Variants in UNC5D observed in about 807,000 individuals in gnomAD.
UNC5D encodes unc-5 netrin receptor D.
UNC5D carries 39 observed loss-of-function variants against 105.4 expected under a neutral mutation model. The observed-to-expected ratio is 0.37, with a 90% CI of 0.29 to 0.48. The LOEUF (loss-of-function observed/expected upper bound fraction) is 0.48, where lower values mean the gene tolerates loss of function less well. Ranked by LOEUF, UNC5D falls within the 20% of genes least tolerant of loss-of-function variation. The probability of loss-of-function intolerance (pLI) is 0.98; values close to 1 mark genes in which losing one functional copy is unlikely to be tolerated. For missense variants in UNC5D, 991 were observed against 1,202.4 expected (o/e 0.82, Z 2.60); for synonymous variants, 452 against 450.4 (o/e 1.00, Z -0.04).
intron 1 of UNC5D, among the ~76,000 whole-genome samples, chr8:35,318,108 T>A (rs1296856062): frequency 6.6e-6 from 1 of 152,130 alleles, no homozygotes; most frequent in East Asian, 1.9e-4. Flanking sequence ...GGCAACCTGA[T>A]TGCCTTTATT....
intron 14 of UNC5D, among the ~76,000 whole-genome samples, chr8:35,762,199 C>T (rs1801567120): frequency 6.6e-6 from 1 of 152,100 alleles, no homozygotes; most frequent in Non-Finnish European, 1.5e-5. Flanking sequence ...TAGGGAGGTA[C>T]CCAGTGCATA....
At chr8:35,638,665 T>G (rs182848772) in intron 4 of UNC5D, among the ~76,000 whole-genome samples, 28 of 152,080 alleles carry the variant, frequency 1.8e-4, no homozygotes, top group Admixed American at 1.5e-3. Flanking sequence ...TATGATGACA[T>G]GCACCTACAG....
intron 4 of UNC5D, among the ~76,000 whole-genome samples, chr8:35,650,245 G>T (rs1563630894): frequency 6.6e-6 from 1 of 152,154 alleles, no homozygotes; most frequent in Non-Finnish European, 1.5e-5. Flanking sequence ...GCTCTGGCCT[G>T]CTCCGTCGTT....
At chr8:35,624,581 A>T (rs576232593) in intron 4 of UNC5D, among the ~76,000 whole-genome samples, 1 of 152,228 alleles carries the variant, frequency 6.6e-6, no homozygotes, top group Non-Finnish European at 1.5e-5. Flanking sequence ...TCTGCCTTAC[A>T]AGCTGATATC....
intron 1 of UNC5D, among the ~76,000 whole-genome samples, chr8:35,246,577 T>A (rs1803115346): frequency 6.6e-6 from 1 of 152,018 alleles, no homozygotes; most frequent in South Asian, 2.1e-4. Flanking sequence ...TAGATTGACT[T>A]CTTTCTTTTT....
intron 9 of UNC5D, chr8:35,724,367 T>C: frequency 6.9e-7 from 1 of 1,459,704 alleles, no homozygotes; most frequent in Non-Finnish European, 9.1e-7. Flanking sequence ...ACCTCCACTG[T>C]CTTAGAGAGA....
intron 6 of UNC5D, among the ~76,000 whole-genome samples, chr8:35,685,315 C>G (rs1202366892): frequency 6.6e-6 from 1 of 151,932 alleles, no homozygotes; most frequent in Non-Finnish European, 1.5e-5. Flanking sequence ...CTTCATTTAC[C>G]AAGTATGGCT....
chr8:35,770,804 CAA>C (rs1051878891), intron 15 of UNC5D, among the ~76,000 whole-genome samples: 3 of 152,070 alleles, frequency 2.0e-5, no homozygotes, highest in Admixed American at 1.3e-4. Context: ...ATCTTTCTTC[CAA>C]AAGTGTTGGA....
chr8:35,613,273 T>C (rs1045628443), intron 4 of UNC5D, among the ~76,000 whole-genome samples: 1 of 152,188 alleles, frequency 6.6e-6, no homozygotes, highest in Non-Finnish European at 1.5e-5. Flanking sequence ...TGAGGTTTTG[T>C]CATGTTGCTC....
intron 1 of UNC5D, among the ~76,000 whole-genome samples, chr8:35,285,036 C>G (rs931943766): frequency 6.6e-6 from 1 of 152,070 alleles, no homozygotes; most frequent in Non-Finnish European, 1.5e-5. Flanking sequence ...GAGATAGATA[C>G]CAATACCTAA....
chr8:35,774,959 T>C (rs1209411817), intron 16 of UNC5D, among the ~76,000 whole-genome samples: 4 of 150,718 alleles, frequency 2.7e-5, no homozygotes, highest in Non-Finnish European at 5.9e-5. Flanking sequence ...TGTGTGACAT[T>C]TCCTGCTACC....
chr8:35,750,808 A>G lies in UNC5D; in HGVS notation c.2162A>G (p.Gln721Arg), dbSNP rs769068126. The G allele has an allele frequency of 6.8e-6, 11 of 1,613,924 alleles. No homozygotes were observed. The highest frequency in any genetic ancestry group is 8.5e-6 in the Non-Finnish European group (10 of 1,179,800). The change falls in exon 13 of 17, where the codon CAG becomes CGG. Residue 721 changes from glutamine (Q) to arginine (R), a missense_variant and splice_region_variant. Physicochemically the swap from Gln to Arg is conservative, Grantham distance 43. Around this residue, in one of 3 missense-constraint regions of UNC5D, gnomAD observed 944 missense variants for 1,131.6 expected, o/e 0.83. Transcript: ENST00000404895. ...YCVDNTPCAF[Q>R]EVVSDERHQG... ...GTGGACAATACCCCTTGTGCATTTC[A>G]GGTTAGCCTTTGTTTTAATAATTTT... is the stretch of plus-strand genomic sequence containing the variant.
chr8:35,756,571 A>T (rs1031612900), intron 13 of UNC5D, among the ~76,000 whole-genome samples: 2 of 150,826 alleles, frequency 1.3e-5, no homozygotes, highest in African/African-American at 4.9e-5. Context: ...AAAAAAAGAA[A>T]AAAAGAAAGT....
intron 4 of UNC5D, among the ~76,000 whole-genome samples, chr8:35,669,134 TTGAG>T (rs1190901612): frequency 2.0e-5 from 3 of 152,302 alleles, no homozygotes. Context: ...CAAAAAGTAG[TTGAG>T]TAAGTCTGGA....
chr8:35,627,254 G>A (rs866026780), intron 4 of UNC5D, among the ~76,000 whole-genome samples: 11 of 152,246 alleles, frequency 7.2e-5, no homozygotes, highest in Admixed American at 3.9e-4. Context: ...AAAATCCAAT[G>A]ACCTTTAAGG....
chr8:35,703,680 C>T (rs2131438835), intron 7 of UNC5D, among the ~76,000 whole-genome samples: 1 of 152,306 alleles, frequency 6.6e-6, no homozygotes, highest in East Asian at 1.9e-4. Flanking sequence ...TATATCTCAC[C>T]TGTTTTTAAT....
At chr8:35,533,367 G>A (rs1472619953) in intron 1 of UNC5D, among the ~76,000 whole-genome samples, 1 of 152,056 alleles carries the variant, frequency 6.6e-6, no homozygotes, top group African/African-American at 2.4e-5. Context: ...TCGGGGGTCA[G>A]GGGTCAGGGA....
At chr8:35,320,454 C>T (rs535892725) in intron 1 of UNC5D, among the ~76,000 whole-genome samples, 63 of 152,238 alleles carry the variant, frequency 4.1e-4, no homozygotes, top group Non-Finnish European at 4.3e-4. Flanking sequence ...AGTTAATTTT[C>T]TCCTGGATCA....
At chr8:35,479,175 T>G (rs1397023905) in intron 1 of UNC5D, among the ~76,000 whole-genome samples, 1 of 152,170 alleles carries the variant, frequency 6.6e-6, no homozygotes, top group Middle Eastern at 3.2e-3. Context: ...GTGAGCCTAC[T>G]ATGTCTCAAG....
Sources: allele counts gnomAD v4.1 joint callset (sites outside exome capture counted in the v4.1 genomes callset), GRCh38; gene constraint gnomAD v4.1.1; regional missense constraint gnomAD v4.1.1; transcripts MANE v1.5; gene names NCBI Gene and HGNC (gene_info 2026-07-23, HGNC 2026-07-21).